The following ROR2 variants were observed in gnomAD, a reference collection of about 807,000 sequenced individuals.
ROR2 encodes ROR family WNT receptor 2, also known as tyrosine-protein kinase transmembrane receptor ROR2.
In ROR2, 33 loss-of-function variants were observed where a neutral mutation model predicts 74.9. The observed-to-expected ratio is 0.44, with a 90% confidence interval of 0.33 to 0.59. The LOEUF (loss-of-function observed/expected upper bound fraction) is 0.59. ROR2 is among the 20% of genes least tolerant of loss of function. ROR2 has a pLI of 0.02. For missense variants in ROR2, 1,216 were observed against 1,313.8 expected, an observed-to-expected ratio of 0.93 and a Z score of 1.15; for synonymous variants, 586 against 558.7, an observed-to-expected ratio of 1.05 and a Z score of -0.69.
intron 1 of ROR2, among the ~76,000 whole-genome samples, chr9:91,921,236 A>G (rs77335334): frequency 0.047 from 7,107 of 152,370 alleles, 212 homozygotes; most frequent in African/African-American, 0.068. Context: ...CCTCAACCCC[A>G]TATCAACAAA....
intron 1 of ROR2, among the ~76,000 whole-genome samples, chr9:91,881,387 T>C (rs1830107290): frequency 6.6e-6 from 1 of 152,210 alleles, no homozygotes; most frequent in Non-Finnish European, 1.5e-5. Context: ...ATAAGGTTCT[T>C]AGAAACTCCA....
intron 1 of ROR2, among the ~76,000 whole-genome samples, chr9:91,864,538 G>A (rs1829570079): frequency 6.6e-6 from 1 of 152,190 alleles, no homozygotes; most frequent in Non-Finnish European, 1.5e-5. Context: ...ATTTTGCAGA[G>A]ACGCTGCCAT....
chr9:91,888,915 T>C (rs975680109), intron 1 of ROR2, among the ~76,000 whole-genome samples: 4 of 151,096 alleles, frequency 2.6e-5, no homozygotes, highest in African/African-American at 9.7e-5. Context: ...GGTTCTTCCT[T>C]TTTTTTTTCA....
At chr9:91,922,392 G>A (rs935024629) in intron 1 of ROR2, among the ~76,000 whole-genome samples, 20 of 152,252 alleles carry the variant, frequency 1.3e-4, no homozygotes, top group Admixed American at 1.2e-3. Context: ...AATCAAATAA[G>A]AAACAGGTTA....
intron 1 of ROR2, among the ~76,000 whole-genome samples, chr9:91,836,788 T>C (rs1828623347): frequency 6.6e-6 from 1 of 152,224 alleles, no homozygotes; most frequent in Admixed American, 6.5e-5. Context: ...GCTGCCCAGT[T>C]ATGAATGGCA....
chr9:91,778,223 A>G (rs766229174), intron 1 of ROR2, among the ~76,000 whole-genome samples: 3 of 152,192 alleles, frequency 2.0e-5, no homozygotes, highest in African/African-American at 4.8e-5. Flanking sequence ...GGGCCACCAC[A>G]ACGGATGTTG....
intron 4 of ROR2, among the ~76,000 whole-genome samples, chr9:91,747,345 T>C (rs1825455247): frequency 6.6e-6 from 1 of 152,198 alleles, no homozygotes; most frequent in African/African-American, 2.4e-5. Flanking sequence ...TGCACAAGCT[T>C]TAGTCCCACA....
At chr9:91,931,849 T>C (rs1019312349) in intron 1 of ROR2, among the ~76,000 whole-genome samples, 8 of 152,242 alleles carry the variant, frequency 5.3e-5, no homozygotes, top group African/African-American at 1.9e-4. Flanking sequence ...GGACAATTTA[T>C]AGCCTTAAGA....
chr9:91,743,236 G>A (rs958270076), intron 4 of ROR2, among the ~76,000 whole-genome samples: 2 of 152,106 alleles, frequency 1.3e-5, no homozygotes, highest in African/African-American at 4.8e-5. Flanking sequence ...GAGACAAAAA[G>A]ACTGACAACT....
chr9:91,924,781 TAAA>T (rs535189760), intron 1 of ROR2, among the ~76,000 whole-genome samples: 1 of 146,374 alleles, frequency 6.8e-6, no homozygotes, highest in African/African-American at 2.5e-5. Context: ...AGACTCCATC[TAAA>T]AAAAAAAAAA....
intron 2 of ROR2, among the ~76,000 whole-genome samples, chr9:91,769,163 G>A (rs1404268829): frequency 1.3e-5 from 2 of 152,044 alleles, no homozygotes; most frequent in Admixed American, 6.5e-5. Context: ...CCTAGTGCTC[G>A]ACAGCTGCTC....
chr9:91,909,838 GTTTGTTTTGTTTTT>G, intron 1 of ROR2, among the ~76,000 whole-genome samples: 1 of 63,218 alleles, frequency 1.6e-5, no homozygotes, highest in African/African-American at 6.4e-5. Flanking sequence ...TTTTTTTTAG[GTTTGTTTTGTTTTT>G]TTTTTTTTTT....
At chr9:91,753,829 TAA>T (rs1321458166) in intron 4 of ROR2, among the ~76,000 whole-genome samples, 2 of 152,246 alleles carry the variant, frequency 1.3e-5, no homozygotes, top group East Asian at 1.9e-4. Flanking sequence ...ATAAAACTGA[TAA>T]GAGGTATTTC....
intron 1 of ROR2, among the ~76,000 whole-genome samples, chr9:91,949,301 G>A (rs1832103903): frequency 6.6e-6 from 1 of 151,926 alleles, no homozygotes; most frequent in Non-Finnish European, 1.5e-5. Flanking sequence ...GCGGCCCGCG[G>A]GCTGGGAAAG....
At chr9:91,926,070 C>A (rs907941817) in intron 1 of ROR2, among the ~76,000 whole-genome samples, 18 of 151,432 alleles carry the variant, frequency 1.2e-4, no homozygotes, top group African/African-American at 3.9e-4. Flanking sequence ...ATGGCAAAAC[C>A]CCATCTCTAC....
In ROR2 at chr9:91,905,059, C is replaced by T. The variant is rs1457002333; in HGVS notation, c.97+44808G>A. On this transcript the variant is annotated intron_variant, in intron 1 of 8. Transcript: ENST00000375708. The surrounding 1 kb of genome is among the most constrained non-coding windows in gnomAD (Gnocchi z 5.3). ...ACATATACGCAAACATCACACCACA[C>T]AGACATACAACATATACCACACACA... 6.8e-6 allele frequency among the ~76,000 whole-genome samples: 1 copy of T among 147,592 alleles called. No individual in the cohort carries two copies. The highest frequency in any genetic ancestry group is 7.0e-5 in the Admixed American group (1 of 14,356).
At chr9:91,833,255 C>T (rs115140139) in intron 1 of ROR2, among the ~76,000 whole-genome samples, 10 of 152,240 alleles carry the variant, frequency 6.6e-5, no homozygotes, top group African/African-American at 2.2e-4. Flanking sequence ...TCCAGCCTGC[C>T]GGATGCTCCC....
At position 91,784,396 on chromosome 9, in the gene ROR2, C is replaced by T. The variant is rs1826725395; in HGVS notation, c.98-8578G>A. 2.0e-5 allele frequency among the ~76,000 whole-genome samples: 3 copies of T among 152,214 alleles called. 1 individual carries two copies. The highest frequency in any genetic ancestry group is 2.0e-4 in the Admixed American group (3 of 15,278). ...GAAGCCTCTCAAAGGGGCTTCAAAT[C>T]CTGTCACCTACAAAACATGGGTGAA... On this transcript the variant is annotated intron_variant, in intron 1 of 8. Transcript: ENST00000375708.
At chr9:91,837,458 T>A (rs1246900212) in intron 1 of ROR2, among the ~76,000 whole-genome samples, 1 of 152,164 alleles carries the variant, frequency 6.6e-6, no homozygotes, top group Non-Finnish European at 1.5e-5. Context: ...AATAAAAAAA[T>A]CACCAAATAT....
Sources: gnomAD v4.1 joint callset for allele counts (sites outside exome capture counted in the v4.1 genomes callset) on GRCh38, gnomAD v4.1.1 for gene constraint, Gnocchi (gnomAD v3.1) non-coding constraint, MANE v1.5 for transcripts, NCBI Gene and HGNC (gene_info 2026-07-23, HGNC 2026-07-21) for gene names.